The following LRP1B variants were observed in gnomAD, a reference collection of about 807,000 sequenced individuals.
LRP1B encodes LDL receptor related protein 1B, also known as low-density lipoprotein receptor-related protein 1B.
A neutral mutation model predicts 556.6 loss-of-function variants in LRP1B; 217 were observed. The observed-to-expected ratio is 0.39, with a 90% CI of 0.35 to 0.44. The LOEUF is 0.44. LRP1B is among the 20% of genes least tolerant of loss of function. The probability of loss-of-function intolerance (pLI) is 1.00; values close to 1 mark genes in which losing one functional copy is unlikely to be tolerated. For missense variants in LRP1B, 5,053 were observed against 5,620.8 expected (o/e 0.90, Z 3.23); for synonymous variants, 2,047 against 1,865.8 (o/e 1.10, Z -2.50).
chr2:140,328,791 C>G (rs1558805630), intron 79 of LRP1B, among the ~76,000 whole-genome samples: 4 of 152,022 alleles, frequency 2.6e-5, no homozygotes, highest in Admixed American at 1.3e-4. Context: ...TTCATACACA[C>G]ACACAAACAC....
chr2:140,917,156 C>A (rs1050896331), intron 21 of LRP1B, among the ~76,000 whole-genome samples: 15 of 152,124 alleles, frequency 9.9e-5, no homozygotes, highest in Admixed American at 9.8e-4. Flanking sequence ...CAACTGTATA[C>A]CTATCAGAAT....
intron 7 of LRP1B, among the ~76,000 whole-genome samples, chr2:141,171,378 A>G (rs546320237): frequency 6.6e-6 from 1 of 152,136 alleles, no homozygotes; most frequent in Non-Finnish European, 1.5e-5. Flanking sequence ...GTAACTGCTA[A>G]GTTTTTACTT....
chr2:140,642,655 C>T (rs993029616), intron 41 of LRP1B, among the ~76,000 whole-genome samples: 1 of 152,074 alleles, frequency 6.6e-6, no homozygotes, highest in Non-Finnish European at 1.5e-5. Flanking sequence ...TCCTGGCTAA[C>T]ACGGTGAAAC....
At chr2:140,448,433 T>C (rs1194835962) in intron 63 of LRP1B, among the ~76,000 whole-genome samples, 1 of 152,082 alleles carries the variant, frequency 6.6e-6, no homozygotes, top group Non-Finnish European at 1.5e-5. Context: ...TATTTTACAA[T>C]AGGAAATCCT....
At chr2:141,043,037 C>CA (rs57176510) in intron 11 of LRP1B, among the ~76,000 whole-genome samples, 168 of 122,052 alleles carry the variant, frequency 1.4e-3, no homozygotes, top group Admixed American at 1.9e-3. Flanking sequence ...ACAAAAAATA[C>CA]AAAAAAAAAA....
intron 1 of LRP1B, among the ~76,000 whole-genome samples, chr2:141,994,922 G>C (rs1452523989): frequency 1.3e-5 from 2 of 151,988 alleles, no homozygotes; most frequent in African/African-American, 2.4e-5. Context: ...CCTGTGAGCG[G>C]TATGAAAGCT....
At chr2:141,878,733 A>G (rs1356910807) in intron 1 of LRP1B, among the ~76,000 whole-genome samples, 3 of 152,050 alleles carry the variant, frequency 2.0e-5, no homozygotes, top group African/African-American at 7.2e-5. Context: ...AAGTCACTTA[A>G]GTTCTAAATT....
At chr2:141,597,145 AT>A (rs1322439568) in intron 2 of LRP1B, among the ~76,000 whole-genome samples, 2 of 151,960 alleles carry the variant, frequency 1.3e-5, no homozygotes, top group African/African-American at 4.8e-5. Context: ...ACCCAAAGTG[AT>A]TCTGACACAG....
chr2:140,892,709 A>ACTT, intron 23 of LRP1B, among the ~76,000 whole-genome samples: 1 of 152,108 alleles, frequency 6.6e-6, no homozygotes. Context: ...AATGCCGGTA[A>ACTT]ATGTATGTCT....
At chr2:140,378,014 T>A (rs1305851528) in intron 68 of LRP1B, among the ~76,000 whole-genome samples, 166 bp downstream of exon 68, 1 of 152,220 alleles carries the variant, frequency 6.6e-6, no homozygotes, top group Non-Finnish European at 1.5e-5. Flanking sequence ...AGCTATTCCC[T>A]GTGCTGGGGA....
intron 18 of LRP1B, among the ~76,000 whole-genome samples, chr2:140,975,910 T>C (rs1193204938): frequency 6.6e-6 from 1 of 151,982 alleles, no homozygotes. Flanking sequence ...ATTTCTCTAT[T>C]TTTCTTTCTA....
intron 1 of LRP1B, among the ~76,000 whole-genome samples, chr2:142,113,966 C>G (rs1707096838): frequency 6.6e-6 from 1 of 152,060 alleles, no homozygotes; most frequent in Admixed American, 6.6e-5. Flanking sequence ...AGTATAGGAT[C>G]TCTTTCTATA....
At chr2:141,336,018 T>C (rs943101007) in intron 3 of LRP1B, among the ~76,000 whole-genome samples, 14 of 150,266 alleles carry the variant, frequency 9.3e-5, no homozygotes, top group African/African-American at 3.5e-4. Context: ...TTAGGCTCGA[T>C]GTTATCTCAG....
At position 140,691,060 on chromosome 2, in the gene LRP1B, T is replaced by C. The variant is rs532102690; in HGVS notation, c.6799+9190A>G. Among the ~76,000 whole-genome samples, 7 of 152,256 alleles carry C rather than the reference T, an allele frequency of 4.6e-5. No homozygotes were observed. The South Asian group carries it at 1.4e-3, about 32-fold the overall frequency. The stretch of plus-strand genomic sequence containing the variant: ...TCTAAAAGTTGATTTTTTAGCCTTT[T>C]TAAGACAAAAAAAGAACAATTAACA... On this transcript the variant is annotated intron_variant, in intron 41 of 90. Transcript: ENST00000389484.
chr2:140,373,266 C>T (rs1683073046), intron 68 of LRP1B, 129 bp from the exon 69 acceptor site: 3 of 752,932 alleles, frequency 4.0e-6, no homozygotes, highest in East Asian at 2.7e-5. Flanking sequence ...CACAACTTCT[C>T]TGTCAAAAAC....
chr2:142,079,244 A>G (rs1387439945), intron 1 of LRP1B, among the ~76,000 whole-genome samples: 7 of 152,192 alleles, frequency 4.6e-5, no homozygotes, highest in South Asian at 2.1e-4. Flanking sequence ...TTTCACAGAT[A>G]TAAGCACTTT....
chr2:140,355,332 A>G (rs758261119), intron 75 of LRP1B, among the ~76,000 whole-genome samples: 4 of 151,890 alleles, frequency 2.6e-5, no homozygotes, highest in Non-Finnish European at 5.9e-5. Context: ...TAAATACCAT[A>G]GTTTGAAAGA....
rs2105192921 is a variant in LRP1B, at chr2:140,886,349, T to A, written c.3767-14A>T. ...CTTCAAAAGGATCTGAAATTAAATT[T>A]ATTTTTAATAGGCTTATGAAAATGT... On this transcript the variant is annotated splice_polypyrimidine_tract_variant and intron_variant, in intron 23 of 90. Transcript: ENST00000389484. 1 of 1,430,802 alleles carries A rather than the reference T, an allele frequency of 7.0e-7. No homozygotes were observed. The highest frequency in any genetic ancestry group is 9.6e-7 in the Non-Finnish European group (1 of 1,043,566). The allele number at this position is 1,430,802 out of a possible 1,614,324, so 88.6% of individuals were successfully genotyped here.
intron 3 of LRP1B, among the ~76,000 whole-genome samples, chr2:141,475,646 C>T (rs975814981): frequency 2.0e-5 from 3 of 152,044 alleles, no homozygotes; most frequent in Admixed American, 1.3e-4. Context: ...AACCCCAAAC[C>T]TCGGGCTCCA....
Sources: allele counts gnomAD v4.1 joint callset (sites outside exome capture counted in the v4.1 genomes callset), GRCh38; gene constraint gnomAD v4.1.1; transcripts MANE v1.5; gene names NCBI Gene and HGNC (gene_info 2026-07-23, HGNC 2026-07-21).